CDH4: variants seen among roughly 807,000 people sequenced by gnomAD.
CDH4 encodes the protein cadherin-4.
In CDH4, 33 loss-of-function variants were observed where a neutral mutation model predicts 86.0. The observed-to-expected ratio is 0.38, with a 90% CI of 0.29 to 0.51. The LOEUF is 0.51. Among genes scored for constraint, CDH4 ranks in the 20% least tolerant of loss-of-function variants. The pLI is 0.86. For synonymous variants in CDH4, 555 were observed against 549.4 expected (o/e 1.01, Z -0.14); for missense variants, 1,114 against 1,307.4 (o/e 0.85, Z 2.28).
chr20:61,526,479 G>GT lies in CDH4; in HGVS notation c.170-217075dup, dbSNP rs113473143. Among the ~76,000 whole-genome samples the GT allele has an allele frequency of 5.7e-4, 85 of 150,310 alleles. No individual in the cohort carries two copies. The South Asian group carries it at 0.01, about 18-fold the overall frequency. On this transcript the variant is annotated intron_variant, in intron 2 of 15. Transcript: ENST00000614565. ...CTAAAAAAGACCACATCCCTGGCTTGTTTTTTTTTCTTTCTTTTTTTTTAA... is the reference window on the plus strand; with the variant it reads ...CTAAAAAAGACCACATCCCTGGCTTGTTTTTTTTTTCTTTCTTTTTTTTTAA...
intron 5 of CDH4, among the ~76,000 whole-genome samples, chr20:61,851,336 G>C (rs773946321): frequency 3.9e-5 from 6 of 152,192 alleles, no homozygotes; most frequent in Admixed American, 2.6e-4. Flanking sequence ...ATTCCACTCT[G>C]GATGGTTGGA....
chr20:61,401,737 G>A (rs1052616726), intron 2 of CDH4, among the ~76,000 whole-genome samples: 1 of 152,198 alleles, frequency 6.6e-6, no homozygotes, highest in South Asian at 2.1e-4. Flanking sequence ...CTACACATCT[G>A]TAGATTCTTT....
chr20:61,438,567 T>C (rs2085297903), intron 2 of CDH4, among the ~76,000 whole-genome samples: 1 of 152,264 alleles, frequency 6.6e-6, no homozygotes. Context: ...TGGTTGGCCA[T>C]AGTCCTTAAC....
At chr20:61,737,704 G>A (rs2088281782) in intron 2 of CDH4, among the ~76,000 whole-genome samples, 1 of 152,230 alleles carries the variant, frequency 6.6e-6, no homozygotes, top group African/African-American at 2.4e-5. Flanking sequence ...AGGGCATACT[G>A]GCCAGAGCAT....
Position 61,480,249 on chromosome 20 carries a change from C to T in CDH4, c.169+225312C>T, listed in dbSNP as rs6121617. Among the ~76,000 whole-genome samples the T allele has an allele frequency of 0.055, 8,306 of 152,160 alleles. 810 individuals carry two copies. The highest frequency in any genetic ancestry group is 0.19 in the African/African-American group (7,870 of 41,452). On this transcript the variant is annotated intron_variant, in intron 2 of 15. Coordinates refer to ENST00000614565, the MANE Select transcript of CDH4 (RefSeq NM_001794.5). The surrounding 1 kb of genome is among the most constrained non-coding windows in gnomAD (Gnocchi z 5.2). ...CAGGAGGACCCCAGGCTCCCCCTCTCGTGGTAGCCTGGAAACTCCCCAAGC... is the reference window on the plus strand; with the variant it reads ...CAGGAGGACCCCAGGCTCCCCCTCTTGTGGTAGCCTGGAAACTCCCCAAGC...
chr20:61,867,839 T>C (rs935654188), intron 6 of CDH4, among the ~76,000 whole-genome samples: 2 of 152,064 alleles, frequency 1.3e-5, no homozygotes, highest in African/African-American at 4.8e-5. Flanking sequence ...GGGGAGTGGG[T>C]GCGTAAACTA....
intron 4 of CDH4, among the ~76,000 whole-genome samples, chr20:61,787,892 G>C (rs1978968058): frequency 6.6e-6 from 1 of 152,218 alleles, no homozygotes; most frequent in Non-Finnish European, 1.5e-5. Flanking sequence ...GGGCTGAATA[G>C]AAATGGCCAG....
chr20:61,586,053 A>G (rs1183818269), intron 2 of CDH4, among the ~76,000 whole-genome samples: 1 of 150,180 alleles, frequency 6.7e-6, no homozygotes, highest in African/African-American at 2.5e-5. Context: ...GAGGAGGATG[A>G]TGGTGATGGT....
At chr20:61,755,571 C>T (rs2088554573) in intron 3 of CDH4, among the ~76,000 whole-genome samples, 2 of 147,744 alleles carry the variant, frequency 1.4e-5, no homozygotes, top group Admixed American at 6.7e-5. Flanking sequence ...ACACACATGC[C>T]CCATACACAC....
chr20:61,855,069 G>C (rs1057167666), intron 6 of CDH4, among the ~76,000 whole-genome samples: 8 of 137,768 alleles, frequency 5.8e-5, no homozygotes, highest in African/African-American at 2.8e-5. Context: ...CACCCCCAGG[G>C]CTGCAGTGTG....
chr20:61,367,862 AG>A lies in CDH4; in HGVS notation c.169+112927del, dbSNP rs200885098. On this transcript the variant is annotated intron_variant, in intron 2 of 15. Transcript: ENST00000614565. ...ACATTGCCTGGAAATGCCTTTCTCCAGGATCTTTTTTTTTTTTTTTTTTTTT... is the reference window on the plus strand; with the variant it reads ...ACATTGCCTGGAAATGCCTTTCTCCAGATCTTTTTTTTTTTTTTTTTTTTT... Among the ~76,000 whole-genome samples, 49 of 140,110 alleles carry A rather than the reference AG, an allele frequency of 3.5e-4. 4 individuals are homozygous for A. The highest frequency in any genetic ancestry group is 1.3e-3 in the East Asian group (6 of 4,482). 91.9% of individuals were successfully genotyped at this position (140,110 alleles called of 152,430 possible).
chr20:61,280,097 C>T (rs1009039452), intron 2 of CDH4, among the ~76,000 whole-genome samples: 10 of 152,088 alleles, frequency 6.6e-5, no homozygotes, highest in African/African-American at 2.4e-4. Context: ...CTCACCCACC[C>T]TGGGCTGTGA....
At chr20:61,932,422 G>C (rs954742981) in intron 13 of CDH4, among the ~76,000 whole-genome samples, 4 of 152,204 alleles carry the variant, frequency 2.6e-5, no homozygotes, top group African/African-American at 9.6e-5. Context: ...AGGCATGCAT[G>C]CACGCACAGA....
At chr20:61,789,649 G>A (rs1232441852) in intron 4 of CDH4, among the ~76,000 whole-genome samples, 6 of 152,220 alleles carry the variant, frequency 3.9e-5, no homozygotes, top group African/African-American at 7.2e-5. Flanking sequence ...ATGTCGCTGC[G>A]TGCATGAGCC....
chr20:61,760,097 T>C (rs1290465074), intron 3 of CDH4, among the ~76,000 whole-genome samples: 1 of 151,888 alleles, frequency 6.6e-6, no homozygotes, highest in Non-Finnish European at 1.5e-5. Context: ...ACATGCCACC[T>C]GCTCTCTTGT....
At chr20:61,405,060 G>T (rs2145483789) in intron 2 of CDH4, among the ~76,000 whole-genome samples, 1 of 152,170 alleles carries the variant, frequency 6.6e-6, no homozygotes, top group Non-Finnish European at 1.5e-5. Flanking sequence ...AAAAGAAAAA[G>T]CTCCCTTATT....
intron 2 of CDH4, among the ~76,000 whole-genome samples, chr20:61,318,065 C>T (rs188867669): frequency 6.5e-4 from 99 of 152,252 alleles, no homozygotes; most frequent in African/African-American, 1.9e-3. Context: ...TCCTGCTCTC[C>T]GTCCCGGCTG....
At chr20:61,924,298 C>CCCCCGG in intron 10 of CDH4, 36 bp from the exon 11 acceptor site, 1 of 1,578,630 alleles carries the variant, frequency 6.3e-7, no homozygotes, top group Non-Finnish European at 8.7e-7. Flanking sequence ...CGCCCACCCC[C>CCCCCGG]AGCCTTACCT....
intron 1 of CDH4, 66 bp from the exon 2 acceptor site, chr20:61,254,760 A>G (rs942500884): frequency 3.8e-6 from 4 of 1,048,196 alleles, no homozygotes; most frequent in African/African-American, 3.1e-5. Flanking sequence ...CAGGCCCTGG[A>G]TGAATGTTGG....
Sources: gnomAD v4.1 joint callset for allele counts (sites outside exome capture counted in the v4.1 genomes callset) on GRCh38, gnomAD v4.1.1 for gene constraint, Gnocchi (gnomAD v3.1) non-coding constraint, MANE v1.5 for transcripts, NCBI Gene and HGNC (gene_info 2026-07-23, HGNC 2026-07-21) for gene names.